Variants in TRHDE observed in about 807,000 individuals in gnomAD.
TRHDE encodes the protein thyrotropin releasing hormone degrading enzyme.
In TRHDE, 72 loss-of-function variants were observed where a neutral mutation model predicts 125.7. That is an observed-to-expected ratio of 0.57 (90% CI 0.47 to 0.70). The LOEUF is 0.70. Among genes scored for constraint, TRHDE ranks in the 30% least tolerant of loss-of-function variants. TRHDE has a pLI of 0.00. For missense variants in TRHDE, 1,110 were observed against 1,327.1 expected, an observed-to-expected ratio of 0.84 and a Z score of 2.54; for synonymous variants, 509 against 509.1, an observed-to-expected ratio of 1.00 and a Z score of 0.00.
chr12:72,294,584 C>T (rs1880216067), intron 2 of TRHDE, among the ~76,000 whole-genome samples: 1 of 152,054 alleles, frequency 6.6e-6, no homozygotes, highest in Admixed American at 6.6e-5. Context: ...CTCTTATAAG[C>T]CTCAGAGGGG....
chr12:72,420,443 T>C (rs1400845758), intron 3 of TRHDE, among the ~76,000 whole-genome samples: 2 of 152,278 alleles, frequency 1.3e-5, no homozygotes, highest in South Asian at 4.1e-4. Flanking sequence ...ATAAAGGACT[T>C]AGGACCTTTC....
chr12:72,171,045 T>C (rs1876862000), intron 2 of TRHDE, among the ~76,000 whole-genome samples: 2 of 152,148 alleles, frequency 1.3e-5, no homozygotes, highest in Admixed American at 1.3e-4. Flanking sequence ...TTCTCTTCTA[T>C]CATAACAGTG....
At chr12:72,224,613 G>A (rs1040047720) in intron 2 of TRHDE, among the ~76,000 whole-genome samples, 7 of 152,170 alleles carry the variant, frequency 4.6e-5, no homozygotes, top group Admixed American at 1.3e-4. Flanking sequence ...TATGAAAGAG[G>A]TGGGGTTCTC....
intron 2 of TRHDE, among the ~76,000 whole-genome samples, chr12:72,357,869 A>T (rs753134435): frequency 4.6e-5 from 7 of 151,588 alleles, no homozygotes; most frequent in Non-Finnish European, 8.9e-5. Flanking sequence ...AAAAAAAGAA[A>T]TACCAAGAAT....
chr12:72,320,939 C>G (rs1869061785), intron 2 of TRHDE, among the ~76,000 whole-genome samples: 2 of 152,012 alleles, frequency 1.3e-5, no homozygotes, highest in Admixed American at 6.6e-5. Flanking sequence ...AATGCATGAG[C>G]CTCTGTAAAC....
chr12:72,146,135 G>T (rs939165792), intron 2 of TRHDE, among the ~76,000 whole-genome samples: 2 of 152,194 alleles, frequency 1.3e-5, no homozygotes, highest in Non-Finnish European at 2.9e-5. Context: ...TCTCCTTGAG[G>T]AAAGTGTATA....
chr12:72,651,425 C>T (rs982728170), intron 15 of TRHDE, among the ~76,000 whole-genome samples: 10 of 151,800 alleles, frequency 6.6e-5, no homozygotes, highest in African/African-American at 2.2e-4. Context: ...TTTGCTTTTG[C>T]TATCCAGAGA....
At chr12:72,239,231 ATT>A (rs139030112) in intron 2 of TRHDE, among the ~76,000 whole-genome samples, 10,526 of 148,352 alleles carry the variant, frequency 0.071, 455 homozygotes, top group Admixed American at 0.11. Flanking sequence ...CCACTTTTTG[ATT>A]TTTTTTTTTT....
At chr12:72,098,946 C>T (rs998873287) in intron 1 of TRHDE, among the ~76,000 whole-genome samples, 2 of 152,176 alleles carry the variant, frequency 1.3e-5, no homozygotes. Flanking sequence ...CTTTGGATCA[C>T]CTGAGGCCAG....
chr12:72,627,683 A>G (rs1231482077), intron 15 of TRHDE, among the ~76,000 whole-genome samples: 1 of 151,784 alleles, frequency 6.6e-6, no homozygotes. Flanking sequence ...TTAATAGTCA[A>G]CTTGACTTTC....
intron 3 of TRHDE, among the ~76,000 whole-genome samples, chr12:72,434,363 C>G (rs1461746612): frequency 2.3e-5 from 3 of 130,220 alleles, no homozygotes; most frequent in Non-Finnish European, 1.6e-5. Flanking sequence ...CCAGCCTGGG[C>G]AACAGAGCCA....
Position 72,156,471 on chromosome 12 carries a change from C to A in TRHDE, n.279+50719C>A, listed in dbSNP as rs180672966. Among the ~76,000 whole-genome samples the A allele has an allele frequency of 1.1e-3, 169 of 152,276 alleles. 1 individual carries two copies. The highest frequency in any genetic ancestry group is 1.8e-3 in the Non-Finnish European group (121 of 68,034). The stretch of plus-strand genomic sequence containing the variant: ...CTCAGCTGGAAATGCAGAAATCACC[C>A]GTCTTCTGCGTCACTCATGCTGGGA... On this transcript the variant is annotated intron_variant and non_coding_transcript_variant, in intron 2 of 4. Coordinates refer to the TRHDE transcript ENST00000548156.
At chr12:72,621,477 A>G in intron 14 of TRHDE, 167 bp from the exon 15 acceptor site, 1 of 608,452 alleles carries the variant, frequency 1.6e-6, no homozygotes, top group Non-Finnish European at 2.8e-6. Flanking sequence ...GTACTGTTAA[A>G]CTTTTAGTAT....
chr12:72,324,202 T>C (rs1260087845), intron 2 of TRHDE, among the ~76,000 whole-genome samples: 1 of 152,118 alleles, frequency 6.6e-6, no homozygotes, highest in Non-Finnish European at 1.5e-5. Context: ...GTACTTTTTA[T>C]TGGTTAACAT....
intron 2 of TRHDE, chr12:72,264,711 A>C (rs1879025783): frequency 1.3e-5 from 2 of 151,912 alleles, no homozygotes; most frequent in African/African-American, 4.8e-5. Flanking sequence ...AAAACCAAAA[A>C]ACCCTCCAGA....
At position 72,636,669 on chromosome 12, in the gene TRHDE, G is replaced by A. The variant is rs1302287344; in HGVS notation, c.2675+14918G>A. Among the ~76,000 whole-genome samples, 8 of 152,156 alleles carry A rather than the reference G, an allele frequency of 5.3e-5. No homozygotes were observed. The South Asian group carries it at 8.3e-4, about 16-fold the overall frequency. On this transcript the variant is annotated intron_variant, in intron 15 of 18. Coordinates refer to ENST00000261180, the MANE Select transcript of TRHDE (RefSeq NM_013381.3). ...CATAGATAGCTCTTATTATTTTGAA[G>A]TACGTCCCATCAATACCTAATTTAT...
In TRHDE at chr12:72,609,799, G is replaced by A. The variant is rs557783101; in HGVS notation, c.2322-9092G>A. ...TCTCCAAAAATCAGCCATATAGGAA[G>A]TTAGAAGCTTCACTGATTTATGGAC... is the stretch of plus-strand genomic sequence containing the variant. On this transcript the variant is annotated intron_variant, in intron 12 of 18. Transcript: ENST00000261180. Among the ~76,000 whole-genome samples the A allele has an allele frequency of 5.9e-5, 9 of 152,234 alleles. No individual in the cohort carries two copies. In the East Asian group the frequency reaches 1.7e-3, roughly 29 times the overall value.
At chr12:72,365,016 A>G (rs920348158) in intron 2 of TRHDE, among the ~76,000 whole-genome samples, 2 of 152,096 alleles carry the variant, frequency 1.3e-5, no homozygotes, top group African/African-American at 4.8e-5. Flanking sequence ...ATTAAATGCT[A>G]CTGTTTTATC....
intron 15 of TRHDE, among the ~76,000 whole-genome samples, chr12:72,634,423 C>CTT (rs779986201): frequency 1.5e-5 from 2 of 134,482 alleles, no homozygotes; most frequent in Non-Finnish European, 3.3e-5. Context: ...GGAATATTTT[C>CTT]TTTTTTTTTT....
Sources: gnomAD v4.1 joint callset for allele counts (sites outside exome capture counted in the v4.1 genomes callset) on GRCh38, gnomAD v4.1.1 for gene constraint, MANE v1.5 for transcripts, NCBI Gene and HGNC (gene_info 2026-07-23, HGNC 2026-07-21) for gene names.